Variants in PTPRK observed in about 807,000 individuals in gnomAD.
PTPRK encodes protein tyrosine phosphatase receptor type K.
PTPRK carries 75 observed loss-of-function variants against 178.0 expected under a neutral mutation model. The ratio of observed to expected loss-of-function variants is 0.42; its 90% CI spans 0.35 to 0.51. The LOEUF (loss-of-function observed/expected upper bound fraction) is 0.51, where lower values mean the gene tolerates loss of function less well. PTPRK is among the 20% of genes least tolerant of loss of function. The pLI is 0.02. For missense variants in PTPRK, 1,441 were observed against 1,797.8 expected, an observed-to-expected ratio of 0.80 and a Z score of 3.59; for synonymous variants, 637 against 620.6, an observed-to-expected ratio of 1.03 and a Z score of -0.39.
chr6:128,463,491 T>A (rs1045170628), intron 1 of PTPRK, among the ~76,000 whole-genome samples: 1 of 152,138 alleles, frequency 6.6e-6, no homozygotes, highest in African/African-American at 2.4e-5. Flanking sequence ...GAAATGCACC[T>A]TGATGCCACA....
chr6:128,180,777 G>C (rs183515647), intron 7 of PTPRK, among the ~76,000 whole-genome samples: 13 of 152,186 alleles, frequency 8.5e-5, no homozygotes, highest in Admixed American at 5.9e-4. Flanking sequence ...TTTTCTCAGA[G>C]AATAAGTTAG....
At chr6:128,027,555 AT>A (rs1774522299) in intron 13 of PTPRK, among the ~76,000 whole-genome samples, 1 of 151,842 alleles carries the variant, frequency 6.6e-6, no homozygotes, top group East Asian at 1.9e-4. Context: ...CTTTTAATAT[AT>A]TATTTCAATT....
chr6:128,348,514 T>C (rs553627853), intron 2 of PTPRK, among the ~76,000 whole-genome samples: 1 of 147,594 alleles, frequency 6.8e-6, no homozygotes, highest in East Asian at 2.0e-4. Context: ...TTATTGTATT[T>C]TATTCATGGT....
At chr6:128,208,716 GA>G (rs1329588835) in intron 6 of PTPRK, among the ~76,000 whole-genome samples, 1 of 152,040 alleles carries the variant, frequency 6.6e-6, no homozygotes, top group Non-Finnish European at 1.5e-5. Context: ...CTATGAAATG[GA>G]AACTTAGGAA....
intron 13 of PTPRK, among the ~76,000 whole-genome samples, chr6:128,011,833 G>C (rs1779096919): frequency 6.6e-6 from 1 of 151,114 alleles, no homozygotes; most frequent in Non-Finnish European, 1.5e-5. Context: ...TAAAACGCTT[G>C]CAGGTATACC....
chr6:128,352,930 T>G (rs1423437187), intron 2 of PTPRK, among the ~76,000 whole-genome samples: 5 of 152,164 alleles, frequency 3.3e-5, no homozygotes, highest in Admixed American at 3.3e-4. Context: ...CTAAAAAAAC[T>G]GTCATTTTTT....
At chr6:127,998,096 T>C (rs1229748852) in intron 16 of PTPRK, among the ~76,000 whole-genome samples, 3 of 152,054 alleles carry the variant, frequency 2.0e-5, no homozygotes, top group African/African-American at 7.2e-5. Context: ...ATCATTGCCT[T>C]TGTGAGATAA....
chr6:128,110,184 A>G (rs1410339358), intron 7 of PTPRK, among the ~76,000 whole-genome samples: 1 of 152,140 alleles, frequency 6.6e-6, no homozygotes. Flanking sequence ...TTGGTCTCCA[A>G]AAATGCTAGG....
chr6:128,264,411 T>C (rs1238276034), intron 3 of PTPRK, among the ~76,000 whole-genome samples: 1 of 152,200 alleles, frequency 6.6e-6, no homozygotes, highest in African/African-American at 2.4e-5. Context: ...TACAGTGCTT[T>C]AAATACATAA....
chr6:128,395,228 T>C (rs1305991834), intron 2 of PTPRK, among the ~76,000 whole-genome samples: 1 of 152,172 alleles, frequency 6.6e-6, no homozygotes, highest in Non-Finnish European at 1.5e-5. Context: ...ATAACATACA[T>C]GAGTGCTTTC....
intron 3 of PTPRK, among the ~76,000 whole-genome samples, chr6:128,271,008 A>G (rs1012205644): frequency 6.6e-6 from 1 of 152,140 alleles, no homozygotes; most frequent in Non-Finnish European, 1.5e-5. Flanking sequence ...ACTTTGGGCA[A>G]GTAAGATTTG....
chr6:128,277,387 A>G (rs923800892), intron 3 of PTPRK, among the ~76,000 whole-genome samples: 1 of 152,330 alleles, frequency 6.6e-6, no homozygotes, highest in South Asian at 2.1e-4. Flanking sequence ...AACTGTCATA[A>G]GAAAATGATT....
chr6:128,171,570 C>T (rs893013297), intron 7 of PTPRK, among the ~76,000 whole-genome samples: 2 of 152,016 alleles, frequency 1.3e-5, no homozygotes, highest in Admixed American at 6.6e-5. Context: ...CTAAAAACCA[C>T]GATATAACAA....
At chr6:128,479,349 C>T (rs182626110) in intron 1 of PTPRK, among the ~76,000 whole-genome samples, 244 of 152,202 alleles carry the variant, frequency 1.6e-3, no homozygotes, top group African/African-American at 5.5e-3. Flanking sequence ...TTTGGCCATC[C>T]TCATGTAGAT....
chr6:128,383,595 T>C (rs1280798978), intron 2 of PTPRK, among the ~76,000 whole-genome samples: 1 of 152,216 alleles, frequency 6.6e-6, no homozygotes, highest in African/African-American at 2.4e-5. Context: ...ACTTATGTGT[T>C]CCAGAAGAAA....
At chr6:128,284,012 T>C (rs1027147543) in intron 3 of PTPRK, among the ~76,000 whole-genome samples, 1 of 152,164 alleles carries the variant, frequency 6.6e-6, no homozygotes, top group Non-Finnish European at 1.5e-5. Flanking sequence ...TTTGAGGTTC[T>C]CTCTGTTTCT....
chr6:128,184,729 G>A lies in PTPRK; in HGVS notation c.869-4C>T, dbSNP rs758789684. The A allele has an allele frequency of 6.2e-6, 10 of 1,611,786 alleles. No homozygotes were observed. The highest frequency in any genetic ancestry group is 8.5e-6 in the Non-Finnish European group (10 of 1,178,560). On this transcript the variant is annotated splice_polypyrimidine_tract_variant and splice_region_variant and intron_variant, in intron 6 of 29. Transcript: ENST00000368226. ...GGAGCAATGGGTCTTGGCGGTTCTA[G>A]GAGAGATGAGTGTGCACTTCAATTA...
intron 11 of PTPRK, among the ~76,000 whole-genome samples, chr6:128,075,111 C>G (rs1047368757): frequency 1.3e-5 from 2 of 152,020 alleles, no homozygotes; most frequent in Admixed American, 1.3e-4. Flanking sequence ...TCCCATGAAG[C>G]TTTACACATC....
At chr6:128,389,595 A>T (rs72974036) in intron 2 of PTPRK, among the ~76,000 whole-genome samples, 2 of 152,078 alleles carry the variant, frequency 1.3e-5, no homozygotes, top group Non-Finnish European at 2.9e-5. Context: ...CAGGGAAAAG[A>T]AATTTTGAGT....
Sources: gnomAD v4.1 joint callset for allele counts (sites outside exome capture counted in the v4.1 genomes callset) on GRCh38, gnomAD v4.1.1 for gene constraint, MANE v1.5 for transcripts, NCBI Gene and HGNC (gene_info 2026-07-23, HGNC 2026-07-21) for gene names.